The following RC3H1 variants were observed in gnomAD, a reference collection of about 807,000 sequenced individuals.
RC3H1 encodes ring finger and CCCH-type domains 1, also known as roquin-1.
RC3H1 carries 50 observed loss-of-function variants against 138.2 expected under a neutral mutation model. The observed-to-expected ratio is 0.36, with a 90% CI of 0.29 to 0.46. The LOEUF (loss-of-function observed/expected upper bound fraction) is 0.46. Ranked by LOEUF, RC3H1 falls within the 20% of genes least tolerant of loss-of-function variation. The pLI is 1.00. For synonymous variants in RC3H1, 462 were observed against 489.1 expected, an observed-to-expected ratio of 0.94 and a Z score of 0.73; for missense variants, 1,031 against 1,388.1, an observed-to-expected ratio of 0.74 and a Z score of 4.09.
chr1:173,980,550 G>A (rs1230825954), intron 6 of RC3H1, among the ~76,000 whole-genome samples: 1 of 151,726 alleles, frequency 6.6e-6, no homozygotes, highest in Non-Finnish European at 1.5e-5. Context: ...TAAATGTAGA[G>A]TGGTCTCTAG....
At chr1:173,990,556 A>G (rs776096408) in intron 2 of RC3H1, among the ~76,000 whole-genome samples, 1 of 150,614 alleles carries the variant, frequency 6.6e-6, no homozygotes, top group Non-Finnish European at 1.5e-5. Flanking sequence ...CGTGTGTAAG[A>G]AAAGTATTAT....
At chr1:174,010,093 A>G (rs139214741) in intron 1 of RC3H1, among the ~76,000 whole-genome samples, 3 of 152,202 alleles carry the variant, frequency 2.0e-5, no homozygotes, top group African/African-American at 7.2e-5. Context: ...CCACTAGACA[A>G]TGCACATTTC....
At position 173,970,686 on chromosome 1, in the gene RC3H1, A is replaced by G. The variant is rs999225609; in HGVS notation, c.1222-69T>C. On this transcript the variant is annotated intron_variant, in intron 8 of 19. Transcript: ENST00000367696. Reference sequence around the variant, plus strand: ...AAAAAAACATAAATTTTGTGTTGTCATTTTAGGATCTTGATAATCTAGATA... The same window carrying G: ...AAAAAAACATAAATTTTGTGTTGTCGTTTTAGGATCTTGATAATCTAGATA... 3 of 989,130 alleles carry G rather than the reference A, an allele frequency of 3.0e-6. No homozygotes were observed. In the Admixed American group the frequency reaches 6.5e-5, roughly 21 times the overall value. 61.3% of individuals were successfully genotyped at this position (989,130 alleles called of 1,614,324 possible). A position where few individuals can be genotyped will look rare whatever the true frequency, so the allele number is the denominator to read the frequency against.
chr1:173,999,852 C>T (rs1661534119), intron 1 of RC3H1, among the ~76,000 whole-genome samples: 1 of 152,154 alleles, frequency 6.6e-6, no homozygotes, highest in African/African-American at 2.4e-5. Flanking sequence ...TTATTATGCC[C>T]ATTTTAAAGA....
At chr1:173,971,039 G>A (rs996823125) in intron 8 of RC3H1, among the ~76,000 whole-genome samples, 1 of 147,908 alleles carries the variant, frequency 6.8e-6, no homozygotes, top group Non-Finnish European at 1.5e-5. Flanking sequence ...TTGGCTCACT[G>A]CAACTTCCAC....
chr1:174,009,797 C>G (rs1481761354), intron 1 of RC3H1, among the ~76,000 whole-genome samples: 1 of 152,178 alleles, frequency 6.6e-6, no homozygotes, highest in Non-Finnish European at 1.5e-5. Context: ...GAGATCGTGC[C>G]ACTGCACTAT....
chr1:173,979,954 T>C (rs1361617137), intron 6 of RC3H1, among the ~76,000 whole-genome samples: 2 of 152,018 alleles, frequency 1.3e-5, no homozygotes, highest in African/African-American at 2.4e-5. Flanking sequence ...CATAGCTCAC[T>C]GCACCCTCAA....
intron 1 of RC3H1, among the ~76,000 whole-genome samples, chr1:174,010,562 C>A (rs763414201): frequency 2.0e-5 from 3 of 152,082 alleles, no homozygotes; most frequent in African/African-American, 7.2e-5. Flanking sequence ...TACAGGCATG[C>A]GCCATCATGC....
At chr1:174,001,772 G>A (rs1661568903) in intron 1 of RC3H1, among the ~76,000 whole-genome samples, 1 of 151,988 alleles carries the variant, frequency 6.6e-6, no homozygotes, top group Non-Finnish European at 1.5e-5. Flanking sequence ...AAAATTTACC[G>A]ATTAAGCAAA....
At chr1:173,952,402 TAAAAAAAAA>T (rs35197109) in intron 13 of RC3H1, among the ~76,000 whole-genome samples, 1 of 47,206 alleles carries the variant, frequency 2.1e-5, no homozygotes, top group Non-Finnish European at 4.2e-5. Context: ...TAGCAGAAGG[TAAAAAAAAA>T]AAAAAAAAAA....
At chr1:173,968,856 A>ATTTTTTTTT in intron 9 of RC3H1, among the ~76,000 whole-genome samples, 1 of 128,088 alleles carries the variant, frequency 7.8e-6, no homozygotes, top group Non-Finnish European at 1.6e-5. Context: ...AGGAATTTTG[A>ATTTTTTTTT]TTTTTTTTTT....
chr1:173,985,117 G>T (rs1338206162), intron 2 of RC3H1, among the ~76,000 whole-genome samples: 3 of 152,166 alleles, frequency 2.0e-5, no homozygotes, highest in Non-Finnish European at 4.4e-5. Context: ...GTGTTCAAGG[G>T]TCTTCCAGGT....
intron 13 of RC3H1, among the ~76,000 whole-genome samples, chr1:173,954,363 C>A (rs1403518419): frequency 1.3e-5 from 2 of 151,656 alleles, no homozygotes; most frequent in African/African-American, 4.8e-5. Flanking sequence ...AATGTGGGAG[C>A]TAAAAAGTTG....
At chr1:173,950,458 C>T (rs1451021822) in intron 14 of RC3H1, among the ~76,000 whole-genome samples, 1 of 132,330 alleles carries the variant, frequency 7.6e-6, no homozygotes, top group African/African-American at 3.2e-5. Flanking sequence ...AGCATAGTAT[C>T]ACACATCTGT....
chr1:174,007,389 C>CA lies in RC3H1; in HGVS notation c.-150-14255dup, dbSNP rs202112964. 2.6e-3 allele frequency among the ~76,000 whole-genome samples: 339 copies of CA among 132,486 alleles called. 2 individuals carry two copies. Among genetic ancestry groups the CA allele is most frequent in the African/African-American group, 5.8e-3 (209 of 36,036 alleles). The allele number at this position is 132,486 out of a possible 152,430, so 86.9% of individuals were successfully genotyped here. On this transcript the variant is annotated intron_variant, in intron 1 of 19. Transcript: ENST00000367696. ...TGGGCGACAGAGCGAGACTCCATCT[C>CA]AAAAAAAAAAAAAATCTATATAACG...
At chr1:173,970,373 G>C (rs990415929) in intron 9 of RC3H1, 132 bp downstream of exon 9, 2 of 671,354 alleles carry the variant, frequency 3.0e-6, no homozygotes, top group Admixed American at 2.9e-5. Context: ...GAATAGGAAT[G>C]TTCAAGCTGT....
intron 13 of RC3H1, among the ~76,000 whole-genome samples, chr1:173,956,608 G>A (rs1179620833): frequency 6.8e-6 from 1 of 147,866 alleles, no homozygotes; most frequent in African/African-American, 2.5e-5. Context: ...GCGGTGAGCC[G>A]AGATCGCGCC....
At chr1:173,946,331 T>C (rs1252560986) in intron 17 of RC3H1, 145 bp downstream of exon 17, 2 of 581,358 alleles carry the variant, frequency 3.4e-6, no homozygotes, top group South Asian at 4.3e-5. Context: ...AAATCCAGTA[T>C]TGAATTCTTT....
intron 1 of RC3H1, among the ~76,000 whole-genome samples, chr1:174,017,574 G>A (rs1238717293): frequency 6.6e-6 from 1 of 152,124 alleles, no homozygotes; most frequent in African/African-American, 2.4e-5. Flanking sequence ...GGGGAATACA[G>A]AGTAACTGCT....
Sources: gnomAD v4.1 joint callset for allele counts (sites outside exome capture counted in the v4.1 genomes callset) on GRCh38, gnomAD v4.1.1 for gene constraint, MANE v1.5 for transcripts, NCBI Gene and HGNC (gene_info 2026-07-23, HGNC 2026-07-21) for gene names.